Variants in IFT88 observed in about 807,000 individuals in gnomAD.
IFT88 encodes intraflagellar transport protein 88 homolog.
IFT88 carries 74 observed loss-of-function variants against 119.5 expected under a neutral mutation model. The ratio of observed to expected loss-of-function variants is 0.62; its 90% CI spans 0.51 to 0.75. The LOEUF (loss-of-function observed/expected upper bound fraction) is 0.75. Among genes scored for constraint, IFT88 ranks in the 30% least tolerant of loss-of-function variants. IFT88 has a pLI of 0.00. For missense variants in IFT88, 961 were observed against 977.7 expected (o/e 0.98, Z 0.23); for synonymous variants, 279 against 316.7 (o/e 0.88, Z 1.26).
chr13:20,669,235 G>A (rs1036001839), intron 23 of IFT88, among the ~76,000 whole-genome samples: 1 of 152,086 alleles, frequency 6.6e-6, no homozygotes, highest in Non-Finnish European at 1.5e-5. Context: ...CAGAGGACTG[G>A]AAAATTCTAG....
intron 14 of IFT88, among the ~76,000 whole-genome samples, chr13:20,619,378 A>T (rs1216141986): frequency 6.6e-6 from 1 of 152,182 alleles, no homozygotes; most frequent in Non-Finnish European, 1.5e-5. Context: ...GACTTTGATG[A>T]TGATAACTTC....
intron 21 of IFT88, among the ~76,000 whole-genome samples, chr13:20,654,463 T>G (rs888245549): frequency 1.6e-4 from 24 of 152,322 alleles, no homozygotes; most frequent in African/African-American, 5.5e-4. Flanking sequence ...TTAGGCTAAC[T>G]GTGAAGTGAA....
intron 20 of IFT88, among the ~76,000 whole-genome samples, chr13:20,648,531 A>T (rs2051091922): frequency 6.6e-6 from 1 of 152,194 alleles, no homozygotes; most frequent in Admixed American, 6.5e-5. Flanking sequence ...ATAAAAAAGT[A>T]TTAGGAAAAT....
At chr13:20,637,160 T>G (rs1356188456) in intron 16 of IFT88, among the ~76,000 whole-genome samples, 1 of 152,152 alleles carries the variant, frequency 6.6e-6, no homozygotes, top group Non-Finnish European at 1.5e-5. Context: ...GAAGTGACTA[T>G]TGATGGGTAC....
At chr13:20,673,462 G>A (rs1480424917) in intron 24 of IFT88, among the ~76,000 whole-genome samples, 2 of 152,144 alleles carry the variant, frequency 1.3e-5, no homozygotes, top group Non-Finnish European at 2.9e-5. Context: ...GCTGCCTCTC[G>A]GAAACAGATT....
At chr13:20,588,039 CCTTA>C (rs1310498690) in intron 3 of IFT88, among the ~76,000 whole-genome samples, 7 of 145,886 alleles carry the variant, frequency 4.8e-5, no homozygotes, top group African/African-American at 1.0e-4. Context: ...CATTTTCTCT[CCTTA>C]CTTGCCTTCT....
At chr13:20,620,108 A>G (rs765282178) in intron 14 of IFT88, among the ~76,000 whole-genome samples, 1 of 151,940 alleles carries the variant, frequency 6.6e-6, no homozygotes. Flanking sequence ...ATATTTTCCT[A>G]TGTTTTCTTC....
intron 3 of IFT88, among the ~76,000 whole-genome samples, chr13:20,586,906 C>A (rs986074289): frequency 8.9e-5 from 4 of 45,066 alleles, no homozygotes; most frequent in Non-Finnish European, 2.1e-4. Context: ...TGTTTTTTCC[C>A]ATTTTTTTTA....
chr13:20,682,578 T>C (rs1181113724), intron 24 of IFT88, among the ~76,000 whole-genome samples: 1 of 152,248 alleles, frequency 6.6e-6, no homozygotes, highest in African/African-American at 2.4e-5. Flanking sequence ...TAGTGACATT[T>C]ACTAAGGTCC....
chr13:20,652,494 C>T (rs150404544), intron 20 of IFT88, among the ~76,000 whole-genome samples: 37 of 152,022 alleles, frequency 2.4e-4, no homozygotes, highest in Non-Finnish European at 4.4e-4. Flanking sequence ...ACTAGCCTGC[C>T]ATGGCAGTGT....
intron 22 of IFT88, among the ~76,000 whole-genome samples, chr13:20,657,795 A>C (rs2053098518): frequency 6.6e-6 from 1 of 152,042 alleles, no homozygotes; most frequent in Non-Finnish European, 1.5e-5. Flanking sequence ...ATAAATAAAT[A>C]AATTTGTTCT....
At chr13:20,680,702 G>C (rs1303319960) in intron 24 of IFT88, among the ~76,000 whole-genome samples, 1 of 152,096 alleles carries the variant, frequency 6.6e-6, no homozygotes, top group Non-Finnish European at 1.5e-5. Context: ...GGCTGCAACC[G>C]GGGGGTCCTC....
At chr13:20,604,371 G>A (rs1174507788) in intron 12 of IFT88, among the ~76,000 whole-genome samples, 1 of 152,146 alleles carries the variant, frequency 6.6e-6, no homozygotes, top group African/African-American at 2.4e-5. Context: ...TGTTTTTAAT[G>A]GGGAGTAGAG....
chr13:20,688,927 T>G (rs1204665902), intron 24 of IFT88, among the ~76,000 whole-genome samples: 1 of 152,020 alleles, frequency 6.6e-6, no homozygotes, highest in African/African-American at 2.4e-5. Flanking sequence ...TTATTTTTAT[T>G]TAATTAATTA....
intron 9 of IFT88, among the ~76,000 whole-genome samples, chr13:20,597,479 T>G (rs1283208512): frequency 1.3e-5 from 2 of 152,076 alleles, no homozygotes; most frequent in African/African-American, 4.8e-5. Context: ...GTGCCGTGGC[T>G]CACGCCTGTA....
chr13:20,638,432 C>T lies in IFT88; in HGVS notation c.1487C>T (p.Ala496Val), dbSNP rs2049353652. 1 of 1,528,988 alleles carries T rather than the reference C, an allele frequency of 6.5e-7. No homozygotes were observed. The highest frequency in any genetic ancestry group is 8.7e-7 in the Non-Finnish European group (1 of 1,143,394). The allele number at this position is 1,528,988 out of a possible 1,614,324, so 94.7% of individuals were successfully genotyped here. The change falls in exon 17 of 26, where the codon GCA (alanine) becomes GTA (valine). Residue 496 changes from alanine (A) to valine (V), a missense_variant. Coordinates refer to ENST00000351808, the MANE Select transcript of IFT88 (RefSeq NM_006531.5). ...ACTAATAAAGGGAATACAGTTTTTG[C>T]AAATGGTGATTATGAGAAGGCCGCT... ...ALTNKGNTVF[A>V]NGDYEKAAEF...
At chr13:20,589,900 CT>C in intron 4 of IFT88, 33 bp downstream of exon 4, 1 of 1,323,562 alleles carries the variant, frequency 7.6e-7, no homozygotes, top group Non-Finnish European at 1.1e-6. Flanking sequence ...TATTAAGATG[CT>C]TTTTCTCATA....
At chr13:20,677,597 T>A (rs1303779415) in intron 24 of IFT88, among the ~76,000 whole-genome samples, 1 of 152,188 alleles carries the variant, frequency 6.6e-6, no homozygotes, top group Non-Finnish European at 1.5e-5. Context: ...AGAAGTAAAT[T>A]GGTCAGTAAA....
chr13:20,638,178 T>C (rs2049314585), intron 16 of IFT88, among the ~76,000 whole-genome samples, 154 bp from the exon 17 acceptor site: 1 of 152,238 alleles, frequency 6.6e-6, no homozygotes, highest in Non-Finnish European at 1.5e-5. Context: ...TAAAACTCTA[T>C]GTAGAATCAG....
Sources: gnomAD v4.1 joint callset for allele counts (sites outside exome capture counted in the v4.1 genomes callset) on GRCh38, gnomAD v4.1.1 for gene constraint, MANE v1.5 for transcripts, NCBI Gene and HGNC (gene_info 2026-07-23, HGNC 2026-07-21) for gene names.